ATP11C: variants seen among roughly 807,000 people sequenced by gnomAD.
The protein encoded by ATP11C is ATPase phospholipid transporting 11C (ATP11C blood group), also known as phospholipid-transporting ATPase IG.
Under a neutral mutation model 97.4 loss-of-function variants are expected in ATP11C, and 36 were observed. That is an observed-to-expected ratio of 0.37 (90% CI 0.28 to 0.49). The LOEUF is 0.49. ATP11C is among the 20% of genes least tolerant of loss of function. ATP11C has a pLI of 0.98. For synonymous variants in ATP11C, 275 were observed against 290.9 expected, an observed-to-expected ratio of 0.95 and a Z score of 0.56; for missense variants, 730 against 824.6, an observed-to-expected ratio of 0.89 and a Z score of 1.40.
Position 139,866,442 on chromosome X carries a change from G to A in ATP11C, c.28-39619C>T, listed in dbSNP as rs142112108. Among the ~76,000 whole-genome samples the A allele has an allele frequency of 4.5e-3, 493 of 108,533 alleles. 5 individuals carry two copies. Among genetic ancestry groups the A allele is most frequent in the African/African-American group, 0.015 (446 of 29,918 alleles). 94.2% of individuals were successfully genotyped at this position (108,533 alleles called of 115,157 possible). A position where few individuals can be genotyped will look rare whatever the true frequency, so the allele number is the denominator to read the frequency against. ...CAGATAAAAAGCTTCAGGAAGCCAG[G>A]CATCGTGGCTCACCCCTATAATCCC... On this transcript the variant is annotated intron_variant, in intron 1 of 29. Coordinates refer to ENST00000682941, the MANE Select transcript of ATP11C (RefSeq NM_001353812.2).
At chrX:139,843,136 T>C (rs1054451959) in intron 1 of ATP11C, among the ~76,000 whole-genome samples, 1 of 112,432 alleles carries the variant, frequency 8.9e-6, no homozygotes, top group African/African-American at 3.2e-5. Flanking sequence ...ATACATAAAA[T>C]TGGCGAACCC....
chrX:139,823,867 AACAG>A (rs2083464193), intron 2 of ATP11C, among the ~76,000 whole-genome samples: 1 of 111,655 alleles, frequency 9.0e-6, no homozygotes, highest in Admixed American at 9.5e-5. Context: ...CAACAGAGTA[AACAG>A]ACAATCTATA....
Position 139,840,572 on chromosome X carries a change from T to A in ATP11C, c.28-13749A>T, listed in dbSNP as rs1367668458. 3.6e-5 allele frequency among the ~76,000 whole-genome samples: 4 copies of A among 112,216 alleles called. No individual in the cohort carries two copies. The Admixed American group carries it at 3.8e-4, about 11-fold the overall frequency. The stretch of plus-strand genomic sequence containing the variant: ...GAAAATCAGATTCAATTTACATTAT[T>A]TTGACTTACAGAAAATTTTCTGTGA... On this transcript the variant is annotated intron_variant, in intron 1 of 29. Transcript: ENST00000682941.
chrX:139,912,174 CAAA>C (rs1162620391), intron 1 of ATP11C, among the ~76,000 whole-genome samples: 1 of 24,541 alleles, frequency 4.1e-5, no homozygotes, highest in African/African-American at 1.2e-4. Context: ...GACTCTGTCT[CAAA>C]AAAAAAAAAA....
At chrX:139,802,057 T>G (rs1339656222) in intron 7 of ATP11C, among the ~76,000 whole-genome samples, 179 bp downstream of exon 7, 2 of 111,925 alleles carry the variant, frequency 1.8e-5, no homozygotes, top group African/African-American at 6.5e-5. Context: ...CAATGATTTA[T>G]TCTGGGTTGA....
upstream of ATP11C, among the ~76,000 whole-genome samples, chrX:139,935,295 G>A (rs766035960): frequency 8.9e-6 from 1 of 112,141 alleles, no homozygotes; most frequent in Admixed American, 9.4e-5. Context: ...GCCAGGCGCG[G>A]TGGCTCACAC....
chrX:139,829,732 A>C (rs773836529), intron 1 of ATP11C, among the ~76,000 whole-genome samples: 12 of 111,650 alleles, frequency 1.1e-4, no homozygotes, highest in Non-Finnish European at 1.5e-4. Flanking sequence ...GCAAATATTA[A>C]AAAATATGTT....
chrX:139,928,897 C>T (rs970942052), intron 1 of ATP11C, among the ~76,000 whole-genome samples: 2 of 112,076 alleles, frequency 1.8e-5, no homozygotes, highest in African/African-American at 6.5e-5. Flanking sequence ...ATCAAGAAAT[C>T]TCTTATTTTG....
intron 27 of ATP11C, 139 bp from the exon 28 acceptor site, chrX:139,738,208 C>T: frequency 2.4e-6 from 1 of 422,041 alleles, no homozygotes; most frequent in East Asian, 4.4e-5. Flanking sequence ...TCTAGAATAT[C>T]CCAAAGTAAT....
chrX:139,740,247 T>C (rs889850664), intron 27 of ATP11C, among the ~76,000 whole-genome samples: 19 of 111,678 alleles, frequency 1.7e-4, no homozygotes, highest in African/African-American at 6.2e-4. Flanking sequence ...AAATAAAATA[T>C]ATGTTTTTGG....
intron 2 of ATP11C, among the ~76,000 whole-genome samples, chrX:139,822,318 T>C (rs1475075341): frequency 1.8e-5 from 2 of 112,503 alleles, no homozygotes; most frequent in Non-Finnish European, 3.8e-5. Flanking sequence ...CGCCTCAGCC[T>C]CCTGAGTAGC....
At chrX:139,826,516 A>G (rs2083533160) in intron 2 of ATP11C, among the ~76,000 whole-genome samples, 188 bp downstream of exon 2, 1 of 111,233 alleles carries the variant, frequency 9.0e-6, no homozygotes, top group African/African-American at 3.3e-5. Context: ...TTTCACCTAT[A>G]ACAAGACAAA....
intron 1 of ATP11C, among the ~76,000 whole-genome samples, chrX:139,888,453 A>G (rs1351734406): frequency 9.0e-6 from 1 of 110,957 alleles, no homozygotes; most frequent in Non-Finnish European, 1.9e-5. Context: ...ATTTTTCAAA[A>G]CCCTGCCAAA....
At chrX:139,764,729 T>C in intron 20 of ATP11C, among the ~76,000 whole-genome samples, 1 of 112,151 alleles carries the variant, frequency 8.9e-6, no homozygotes, top group Non-Finnish European at 1.9e-5. Context: ...AATCAGGTTT[T>C]AGTTGTATTA....
chrX:139,769,845 G>A (rs1445829483), intron 19 of ATP11C, among the ~76,000 whole-genome samples: 1 of 111,358 alleles, frequency 9.0e-6, no homozygotes, highest in Non-Finnish European at 1.9e-5. Context: ...TCTGGGGTGT[G>A]ATGTGAGATT....
chrX:139,891,788 A>G (rs952085799), intron 1 of ATP11C, among the ~76,000 whole-genome samples: 1 of 112,127 alleles, frequency 8.9e-6, no homozygotes, highest in Non-Finnish European at 1.9e-5. Flanking sequence ...CATCTGATGG[A>G]AAGTTGAAGT....
chrX:139,737,845 A>G, intron 28 of ATP11C, 71 bp downstream of exon 28: 1 of 1,046,706 alleles, frequency 9.6e-7, no homozygotes, highest in Non-Finnish European at 1.3e-6. Flanking sequence ...TTTCTAAATC[A>G]GGTTTTTAGC....
At chrX:139,911,956 A>G (rs1248617573) in intron 1 of ATP11C, among the ~76,000 whole-genome samples, 2 of 109,601 alleles carry the variant, frequency 1.8e-5, no homozygotes, top group Non-Finnish European at 3.8e-5. Context: ...GGGAGGGCGG[A>G]TCACTTGAGG....
chrX:139,866,891 T>C (rs1394170176), intron 1 of ATP11C, among the ~76,000 whole-genome samples: 1 of 110,597 alleles, frequency 9.0e-6, no homozygotes, highest in Non-Finnish European at 1.9e-5. Flanking sequence ...GAGACCAGCC[T>C]GGGCAACATG....
Sources: gnomAD v4.1 joint callset for allele counts (sites outside exome capture counted in the v4.1 genomes callset) on GRCh38, gnomAD v4.1.1 for gene constraint, MANE v1.5 for transcripts, NCBI Gene and HGNC (gene_info 2026-07-23, HGNC 2026-07-21) for gene names.